ZFAT: variants seen among roughly 807,000 people sequenced by gnomAD.
ZFAT encodes the protein zinc finger protein ZFAT.
ZFAT carries 64 observed loss-of-function variants against 117.7 expected under a neutral mutation model. The ratio of observed to expected loss-of-function variants is 0.54; its 90% CI spans 0.44 to 0.67. The LOEUF is 0.67. Ranked by LOEUF, ZFAT falls within the 30% of genes least tolerant of loss-of-function variation. The probability of loss-of-function intolerance (pLI) is 0.00; values close to 1 mark genes in which losing one functional copy is unlikely to be tolerated. For synonymous variants in ZFAT, 679 were observed against 615.0 expected (o/e 1.10, Z -1.54); for missense variants, 1,433 against 1,584.5 (o/e 0.90, Z 1.62).
At chr8:134,670,829 A>C (rs1410199224) in intron 1 of ZFAT, among the ~76,000 whole-genome samples, 1 of 152,224 alleles carries the variant, frequency 6.6e-6, no homozygotes, top group Non-Finnish European at 1.5e-5. Context: ...TTTTTTGAAA[A>C]GATCAACAAA....
chr8:134,492,031 G>T lies in ZFAT; in HGVS notation c.3493-13310C>A, dbSNP rs535341424. Among the ~76,000 whole-genome samples the T allele has an allele frequency of 8.8e-4, 127 of 145,120 alleles. No individual in the cohort carries two copies. The South Asian group carries it at 0.016, about 18-fold the overall frequency. On this transcript the variant is annotated intron_variant, in intron 15 of 15. Coordinates refer to ENST00000377838, the MANE Select transcript of ZFAT (RefSeq NM_020863.4). ...TTTTTTGTTTTTGTTTTTGTTTTTT[G>T]TTTTTTTTTTCAGTCATGCATGTGT...
chr8:134,687,574 C>A (rs1202279101), intron 1 of ZFAT, among the ~76,000 whole-genome samples: 1 of 152,142 alleles, frequency 6.6e-6, no homozygotes, highest in East Asian at 1.9e-4. Context: ...AACAGCCCCC[C>A]ACCCCGAGAG....
intron 13 of ZFAT, among the ~76,000 whole-genome samples, chr8:134,513,673 A>T (rs748922841): frequency 1.1e-4 from 16 of 152,196 alleles, no homozygotes; most frequent in Non-Finnish European, 2.1e-4. Context: ...AGGGGCAGAG[A>T]GTGCAAGCAA....
chr8:134,805,598 T>G, the ZFAT span, among the ~76,000 whole-genome samples: 3 of 152,244 alleles, frequency 2.0e-5, no homozygotes, highest in Admixed American at 2.0e-4. Flanking sequence ...CCACACCACT[T>G]TTCTGAAAGA....
chr8:134,558,329 A>G (rs1563846793), intron 11 of ZFAT, among the ~76,000 whole-genome samples: 1 of 152,220 alleles, frequency 6.6e-6, no homozygotes, highest in Non-Finnish European at 1.5e-5. Context: ...GTGTGGAGAC[A>G]TTCCTTCTGG....
At chr8:134,543,029 T>C (rs1822397551) in intron 11 of ZFAT, among the ~76,000 whole-genome samples, 1 of 150,764 alleles carries the variant, frequency 6.6e-6, no homozygotes, top group Non-Finnish European at 1.5e-5. Flanking sequence ...CACATGCAGT[T>C]ACTGCACAGA....
At chr8:134,802,029 A>G in the ZFAT span, among the ~76,000 whole-genome samples, 153 of 152,334 alleles carry the variant, frequency 1.0e-3, no homozygotes, top group Non-Finnish European at 1.9e-3. Flanking sequence ...AAGCCCTCCA[A>G]GTAATTCTGA....
chr8:134,739,055 A>G, the ZFAT span, among the ~76,000 whole-genome samples: 6 of 152,194 alleles, frequency 3.9e-5, no homozygotes, highest in Admixed American at 1.3e-4. Flanking sequence ...GATCAGCTTG[A>G]GAGGACAGAG....
At position 134,478,149 on chromosome 8, in the gene ZFAT, G is replaced by A. The variant is rs138616859; in HGVS notation, c.*333C>T. ...GGGGCTGTGATTCAGGGAAGATGCT[G>A]AGGGGGACTGGGAGTCTCTGTTTGA... On this transcript the variant is annotated 3_prime_UTR_variant, in exon 16 of 16. Transcript: ENST00000377838. This position sits in a 1 kb window ranked among gnomAD's most constrained non-coding sequence, Gnocchi z 5.2. 1 of 321,566 alleles carries A rather than the reference G, an allele frequency of 3.1e-6. No individual in the cohort carries two copies. Among genetic ancestry groups the A allele is most frequent in the Non-Finnish European group, 5.8e-6 (1 of 171,172 alleles). The allele number at this position is 321,566 out of a possible 1,614,324, so 19.9% of individuals were successfully genotyped here.
intron 2 of ZFAT, among the ~76,000 whole-genome samples, chr8:134,655,178 T>A (rs2131192595): frequency 6.6e-6 from 1 of 151,382 alleles, no homozygotes; most frequent in South Asian, 2.1e-4. Context: ...GAGAGGGAGG[T>A]GAATCTCCGG....
At chr8:134,668,427 G>A (rs182264104) in intron 1 of ZFAT, among the ~76,000 whole-genome samples, 107 of 152,372 alleles carry the variant, frequency 7.0e-4, no homozygotes, top group Non-Finnish European at 1.0e-3. Flanking sequence ...TGATCAGGCA[G>A]CAACATTTGC....
chr8:134,740,385 C>T, the ZFAT span, among the ~76,000 whole-genome samples: 2 of 152,216 alleles, frequency 1.3e-5, no homozygotes, highest in African/African-American at 4.8e-5. Flanking sequence ...ACAGCGTGGT[C>T]CTGGAACAAA....
chr8:134,589,614 T>G (rs781393326), intron 8 of ZFAT, among the ~76,000 whole-genome samples: 13 of 152,106 alleles, frequency 8.5e-5, no homozygotes, highest in South Asian at 4.1e-4. Flanking sequence ...AGAGTCACAG[T>G]GACTTGAGCA....
At chr8:134,506,715 G>A (rs780515085) in intron 15 of ZFAT, among the ~76,000 whole-genome samples, 6 of 152,142 alleles carry the variant, frequency 3.9e-5, no homozygotes, top group Non-Finnish European at 8.8e-5. Context: ...TGTAAATAGA[G>A]TATATATCTA....
intron 11 of ZFAT, chr8:134,565,022 G>A: frequency 7.6e-7 from 1 of 1,323,220 alleles, no homozygotes; most frequent in Non-Finnish European, 9.9e-7. Flanking sequence ...AAAAATACGT[G>A]TCCCTAAAGC....
At chr8:134,566,393 C>CAAAAAAAAAA (rs57041885) in intron 10 of ZFAT, among the ~76,000 whole-genome samples, 5,651 of 76,804 alleles carry the variant, frequency 0.074, 785 homozygotes, top group East Asian at 0.32. Flanking sequence ...GACTCCAACT[C>CAAAAAAAAAA]AAAAAAAAAA....
chr8:134,602,615 G>T lies in ZFAT; in HGVS notation c.1104C>A (p.Asn368Lys), dbSNP rs1337445054. 2.2e-5 allele frequency: 36 copies of T among 1,614,200 alleles called. No homozygotes were observed. The highest frequency in any genetic ancestry group is 3.1e-5 in the Non-Finnish European group (36 of 1,180,052). ...GCGCGTCTCGGATGTGCTTGATGAG[G>T]TTCTTGACGTCAGAGTACTTCTTCT... ...FCKKKYSDVKNLIKHIRDAHD... is the reference protein window; with the variant it reads ...FCKKKYSDVKKLIKHIRDAHD... Residue 368 changes from asparagine to lysine, a missense_variant, in exon 6 of 16, where the codon AAC becomes AAA. Physicochemically the swap from Asn to Lys is moderately conservative, Grantham distance 94. This residue lies in a region of ZFAT where 436 missense variants were observed against 482.0 expected (regional missense o/e 0.90). Transcript: ENST00000377838.
Position 134,583,936 on chromosome 8 carries a change from A to G in ZFAT, c.2783T>C (p.Met928Thr). 6.3e-7 allele frequency: 1 copy of G among 1,595,290 alleles called. No homozygotes were observed. Among genetic ancestry groups the G allele is most frequent in the South Asian group, 1.1e-5 (1 of 87,870 alleles). ...GGTTTTCTCAGTGCTGTGACGATTC[A>G]TATGAGCCTTGAGGTTACTCTTGCT... Reference protein sequence around the residue: ...TRSKSNLKAHMNRHSTEKTHL... With the variant: ...TRSKSNLKAHTNRHSTEKTHL... The change falls in exon 10 of 16, where the codon ATG becomes ACG. Residue 928 changes from methionine (M) to threonine (T), a missense_variant. Around this residue, in one of 5 missense-constraint regions of ZFAT, gnomAD observed 503 missense variants for 543.4 expected, o/e 0.93. Coordinates refer to ENST00000377838, the MANE Select transcript of ZFAT (RefSeq NM_020863.4).
intron 1 of ZFAT, among the ~76,000 whole-genome samples, chr8:134,669,393 C>A (rs1171468890): frequency 6.6e-6 from 1 of 152,220 alleles, no homozygotes; most frequent in Non-Finnish European, 1.5e-5. Flanking sequence ...ATCTGACTAA[C>A]AACGGATCTC....
Sources: allele counts gnomAD v4.1 joint callset (sites outside exome capture counted in the v4.1 genomes callset), GRCh38; gene constraint gnomAD v4.1.1; regional missense constraint gnomAD v4.1.1; non-coding constraint Gnocchi (gnomAD v3.1); transcripts MANE v1.5; gene names NCBI Gene and HGNC (gene_info 2026-07-23, HGNC 2026-07-21).